The following COG5 variants were observed in gnomAD, a reference collection of about 807,000 sequenced individuals.
COG5 encodes the protein conserved oligomeric Golgi complex subunit 5.
In COG5, 86 loss-of-function variants were observed where a neutral mutation model predicts 110.4. That is an observed-to-expected ratio of 0.78 (90% CI 0.65 to 0.93). The LOEUF is 0.93. COG5 is among the 40% of genes least tolerant of loss of function. COG5 has a pLI of 0.00. For synonymous variants in COG5, 360 were observed against 334.6 expected (o/e 1.08, Z -0.83); for missense variants, 1,077 against 987.0 (o/e 1.09, Z -1.22).
chr7:107,395,185 C>T (rs1790896377), intron 7 of COG5, among the ~76,000 whole-genome samples: 1 of 151,978 alleles, frequency 6.6e-6, no homozygotes, highest in South Asian at 2.1e-4. Flanking sequence ...TTAATAAGTG[C>T]ACCATTTCAC....
chr7:107,253,082 C>T (rs911559276), intron 16 of COG5: 2 of 152,026 alleles, frequency 1.3e-5, no homozygotes, highest in African/African-American at 2.4e-5. Flanking sequence ...AGATCCTGGA[C>T]AGTGAAACAA....
chr7:107,527,395 G>A, intron 5 of COG5, 38 bp from the exon 6 acceptor site: 2 of 1,608,346 alleles, frequency 1.2e-6, no homozygotes. Context: ...GTTGATCCAT[G>A]AAGTTTTATT....
At chr7:107,471,858 AAAAC>A (rs1452976936) in intron 6 of COG5, 3 of 152,144 alleles carry the variant, frequency 2.0e-5, no homozygotes, top group East Asian at 1.9e-4. Context: ...TCTTCTAATG[AAAAC>A]AAACAAAATT....
intron 5 of COG5, among the ~76,000 whole-genome samples, chr7:107,529,028 A>AAAAAAAAAAAAT: frequency 6.6e-6 from 1 of 151,420 alleles, no homozygotes; most frequent in African/African-American, 2.4e-5. Flanking sequence ...CTTAAATAAA[A>AAAAAAAAAAAAT]AAAAAAAAAA....
intron 11 of COG5, among the ~76,000 whole-genome samples, chr7:107,301,709 A>T (rs1389303236): frequency 1.3e-5 from 2 of 152,126 alleles, no homozygotes; most frequent in African/African-American, 2.4e-5. Context: ...TCTCTACTAA[A>T]AATACAAAAA....
At chr7:107,237,245 T>C (rs1801265723) in intron 17 of COG5, among the ~76,000 whole-genome samples, 1 of 152,196 alleles carries the variant, frequency 6.6e-6, no homozygotes, top group African/African-American at 2.4e-5. Context: ...TTTTTTCCTC[T>C]AGATGATGAG....
intron 1 of COG5, 132 bp downstream of exon 1, chr7:107,563,671 G>C: frequency 1.0e-6 from 1 of 990,946 alleles, no homozygotes; most frequent in East Asian, 2.5e-5. Context: ...CCAGGGGGCC[G>C]GGCGGAGGGG....
intron 19 of COG5, among the ~76,000 whole-genome samples, chr7:107,217,194 G>C (rs1449642715): frequency 6.6e-6 from 1 of 151,910 alleles, no homozygotes; most frequent in Non-Finnish European, 1.5e-5. Flanking sequence ...AACAGAAATA[G>C]AACAAACAGA....
intron 14 of COG5, among the ~76,000 whole-genome samples, chr7:107,271,526 G>T (rs994139480): frequency 6.6e-6 from 1 of 151,968 alleles, no homozygotes; most frequent in African/African-American, 2.4e-5. Context: ...CCTAGAATTT[G>T]AAAATATCAA....
chr7:107,301,612 A>G (rs1807275248), intron 11 of COG5, among the ~76,000 whole-genome samples: 1 of 152,180 alleles, frequency 6.6e-6, no homozygotes, highest in Admixed American at 6.5e-5. Flanking sequence ...TGGCTTGTGT[A>G]GTGAATAGTA....
chr7:107,335,309 G>A (rs1281268950), intron 10 of COG5, among the ~76,000 whole-genome samples: 1 of 152,148 alleles, frequency 6.6e-6, no homozygotes, highest in East Asian at 1.9e-4. Context: ...AGAATCACTT[G>A]AACCCGGGAA....
At chr7:107,381,517 A>G (rs1228299018) in intron 7 of COG5, among the ~76,000 whole-genome samples, 1 of 152,212 alleles carries the variant, frequency 6.6e-6, no homozygotes, top group African/African-American at 2.4e-5. Context: ...AACTTCGTCA[A>G]TTGTGTTTGA....
intron 6 of COG5, among the ~76,000 whole-genome samples, chr7:107,458,841 A>G (rs76843948): frequency 6.6e-5 from 10 of 152,134 alleles, no homozygotes; most frequent in African/African-American, 2.4e-4. Context: ...CCTAGGCAAC[A>G]GAGTGAGAAT....
At chr7:107,471,260 G>A (rs1225485254) in intron 6 of COG5, 1 of 151,938 alleles carries the variant, frequency 6.6e-6, no homozygotes, top group Admixed American at 6.6e-5. Context: ...TAACAGTTTG[G>A]TTATTTTGAT....
chr7:107,558,914 C>CAAAAAAA (rs34483652), intron 1 of COG5, among the ~76,000 whole-genome samples: 5 of 31,168 alleles, frequency 1.6e-4, no homozygotes, highest in African/African-American at 1.7e-4. Context: ...GACTTCATCT[C>CAAAAAAA]AAAAAAAAAA....
intron 7 of COG5, among the ~76,000 whole-genome samples, chr7:107,394,857 A>G (rs960420957): frequency 1.3e-5 from 2 of 152,234 alleles, no homozygotes; most frequent in African/African-American, 4.8e-5. Flanking sequence ...AGGACTAACA[A>G]TCACATTTTA....
intron 16 of COG5, chr7:107,253,394 A>G (rs988379301): frequency 9.2e-5 from 14 of 152,294 alleles, no homozygotes; most frequent in Non-Finnish European, 1.6e-4. Flanking sequence ...AAATTACAAA[A>G]ATATTGGAGC....
intron 2 of COG5, among the ~76,000 whole-genome samples, chr7:107,557,636 T>C (rs1280504126): frequency 1.3e-5 from 2 of 152,208 alleles, no homozygotes; most frequent in Admixed American, 6.5e-5. Flanking sequence ...GAATGTAACA[T>C]CCCAATTTTT....
chr7:107,272,656 TC>T (rs1804373645), intron 14 of COG5, among the ~76,000 whole-genome samples: 1 of 152,120 alleles, frequency 6.6e-6, no homozygotes, highest in Non-Finnish European at 1.5e-5. Context: ...GATCTACAGA[TC>T]CCCTAAACCC....
Sources: gnomAD v4.1 joint callset for allele counts (sites outside exome capture counted in the v4.1 genomes callset) on GRCh38, gnomAD v4.1.1 for gene constraint, MANE v1.5 for transcripts, NCBI Gene and HGNC (gene_info 2026-07-23, HGNC 2026-07-21) for gene names.